Variants in KLK6 observed in about 807,000 individuals in gnomAD.
KLK6 encodes the protein kallikrein related peptidase 6.
In KLK6, 16 loss-of-function variants were observed where a neutral mutation model predicts 21.7. The ratio of observed to expected loss-of-function variants is 0.74; its 90% CI spans 0.50 to 1.12. KLK6 has a LOEUF of 1.12. KLK6 is among the 50% of genes most tolerant of loss of function. The pLI, the probability that KLK6 is intolerant of heterozygous loss-of-function variation, is 0.00. For missense variants in KLK6, 276 were observed against 304.6 expected, an observed-to-expected ratio of 0.91 and a Z score of 0.70; for synonymous variants, 116 against 120.1, an observed-to-expected ratio of 0.97 and a Z score of 0.22.
chr19:50,967,961 C>T, intron 3 of KLK6, 104 bp downstream of exon 3: 7 of 1,026,344 alleles, frequency 6.8e-6, no homozygotes, highest in Non-Finnish European at 9.2e-6. Context: ...AAAGCTCCCC[C>T]ACCCCAACCC....
chr19:50,967,121 C>A, intron 4 of KLK6, 48 bp downstream of exon 4: 1 of 1,609,526 alleles, frequency 6.2e-7, no homozygotes, highest in African/African-American at 1.3e-5. Context: ...CTATAAGACA[C>A]CCTCAGGGTT....
chr19:50,968,152 G>T (rs760295656), intron 2 of KLK6, 40 bp from the exon 3 acceptor site: 8 of 1,573,800 alleles, frequency 5.1e-6, no homozygotes, highest in Non-Finnish European at 7.0e-6. Flanking sequence ...TCACTGCCTC[G>T]ACCCTCCCCC....
chr19:50,967,980 T>G, intron 3 of KLK6, 85 bp downstream of exon 3: 1 of 1,087,458 alleles, frequency 9.2e-7, no homozygotes, highest in Non-Finnish European at 1.4e-6. Context: ...CCTGTGCATA[T>G]CCCCATCCCC....
In KLK6 at chr19:50,959,131, G is replaced by T. The variant is rs773096096; in HGVS notation, c.*33C>A. 2 of 1,613,244 alleles carry T rather than the reference G, an allele frequency of 1.2e-6. No individual in the cohort carries two copies. The highest frequency in any genetic ancestry group is 1.1e-5 in the South Asian group (1 of 90,990). On this transcript the variant is annotated 3_prime_UTR_variant, in exon 7 of 7. Transcript: ENST00000310157. ...ACGTTCTGGAACCAGCCAGTGGGGT[G>T]GTAGGTCGGGAGGTAGATGTCACAT...
intron 4 of KLK6, among the ~76,000 whole-genome samples, chr19:50,966,709 G>A (rs768720538): frequency 2.6e-5 from 4 of 152,216 alleles, no homozygotes; most frequent in Non-Finnish European, 5.9e-5. Flanking sequence ...GCTGAGGCAG[G>A]AGAATCGCTG....
Position 50,967,320 on chromosome 19 carries a change from CCCAGG to C in KLK6, c.41_45del (p.Ala14GlyfsTer6). The C allele has an allele frequency of 6.2e-7, 1 of 1,602,578 alleles. No individual in the cohort carries two copies. The highest frequency in any genetic ancestry group is 1.1e-5 in the South Asian group (1 of 89,808). Reference sequence around the variant, plus strand: ...TGCACCAACTTATTCTGCTCCTCTGCCCAGGCTGAGGGAGAGAAGATCTGAGTCAG... The same window carrying C: ...TGCACCAACTTATTCTGCTCCTCTGCCTGAGGGAGAGAAGATCTGAGTCAG... On this transcript the variant is annotated frameshift_variant and splice_region_variant, in exon 4 of 7. Transcript: ENST00000310157. LOFTEE classifies it high-confidence loss of function.
rs2090758436 is a variant in KLK6, at chr19:50,958,848, G to T, written c.*316C>A. On this transcript the variant is annotated 3_prime_UTR_variant, in exon 7 of 7. Coordinates refer to ENST00000310157, the MANE Select transcript of KLK6 (RefSeq NM_002774.4). ...GCGGAGCTGGGATTCCAGACACGTG[G>T]CTGGGCCTCTGCAGGAAGAAATCAA... is the stretch of plus-strand genomic sequence containing the variant. The T allele has an allele frequency of 2.9e-6, 1 of 344,280 alleles. No homozygotes were observed. The highest frequency in any genetic ancestry group is 5.4e-6 in the Non-Finnish European group (1 of 185,722). The allele number at this position is 344,280 out of a possible 1,614,324, so 21.3% of individuals were successfully genotyped here.
In KLK6 at chr19:50,968,057, T is replaced by G; in HGVS notation, c.40+8A>C. 1 of 1,613,712 alleles carries G rather than the reference T, an allele frequency of 6.2e-7. No homozygotes were observed. The highest frequency in any genetic ancestry group is 8.5e-7 in the Non-Finnish European group (1 of 1,179,804). ...CAAGCCTCCCCCATCCAAATGCCCT[T>G]TCCCCACCTGCAGCAATCAGACTCA... On this transcript the variant is annotated splice_region_variant and intron_variant, in intron 3 of 6. Coordinates refer to ENST00000310157, the MANE Select transcript of KLK6 (RefSeq NM_002774.4).
chr19:50,963,509 T>C lies in KLK6; in HGVS notation c.238A>G (p.Arg80Gly), dbSNP rs1202036584. Residue 80 changes from arginine (R) to glycine (G), a missense_variant, in exon 5 of 7, where the codon AGG (arginine) becomes GGG (glycine). Coordinates refer to ENST00000310157, the MANE Select transcript of KLK6 (RefSeq NM_002774.4). Reference protein sequence around the residue: ...VFLGKHNLRQRESSQEQSSVV... With the variant: ...VFLGKHNLRQGESSQEQSSVV... ...GAACTCTGCTCCTGGGAACTCTCCC[T>C]TTGCCGAAGGTTATGCTTCCCCAGG... The C allele has an allele frequency of 6.2e-7, 1 of 1,614,008 alleles. No individual in the cohort carries two copies. Among genetic ancestry groups the C allele is most frequent in the African/African-American group, 1.3e-5 (1 of 74,900 alleles).
In KLK6 at chr19:50,961,886, A is replaced by C. The variant is rs1417115939; in HGVS notation, c.446-6T>G. Reference sequence around the variant, plus strand: ...GATGGTGTCAGGGAAATCACCTGTTAGGGGAGAGATGGGCCAGACTCAGCC... The same window carrying C: ...GATGGTGTCAGGGAAATCACCTGTTCGGGGAGAGATGGGCCAGACTCAGCC... On this transcript the variant is annotated splice_region_variant and splice_polypyrimidine_tract_variant and intron_variant, in intron 5 of 6. Coordinates refer to ENST00000310157, the MANE Select transcript of KLK6 (RefSeq NM_002774.4). 1 of 1,612,716 alleles carries C rather than the reference A, an allele frequency of 6.2e-7. No homozygotes were observed. Among genetic ancestry groups the C allele is most frequent in the South Asian group, 1.1e-5 (1 of 90,908 alleles).
chr19:50,965,311 G>A (rs911395176), intron 4 of KLK6, among the ~76,000 whole-genome samples: 1 of 149,434 alleles, frequency 6.7e-6, no homozygotes, highest in Non-Finnish European at 1.5e-5. Flanking sequence ...TTTAGACAGA[G>A]TCTCGCTCTG....
At position 50,960,539 on chromosome 19, in the gene KLK6, G is replaced by T. The variant is rs1025077678; in HGVS notation, c.582+1205C>A. Among the ~76,000 whole-genome samples, 9 of 152,070 alleles carry T rather than the reference G, an allele frequency of 5.9e-5. No individual in the cohort carries two copies. In the East Asian group the frequency reaches 1.7e-3, roughly 29 times the overall value. ...TCGTTTCTGAGCAGGACTCGTGGGG[G>T]CTCTGTTTGAGGAAGGACAGTCCCC... On this transcript the variant is annotated intron_variant, in intron 6 of 6. Transcript: ENST00000310157.
chr19:50,969,037 C>G (rs2090972727), intron 1 of KLK6: 1 of 154,314 alleles, frequency 6.5e-6, no homozygotes, highest in Non-Finnish European at 1.4e-5. Context: ...GGGGCCTGGA[C>G]CCTTGCGTCT....
intron 4 of KLK6, 108 bp from the exon 5 acceptor site, chr19:50,963,657 C>A: frequency 7.5e-7 from 1 of 1,327,300 alleles, no homozygotes; most frequent in Non-Finnish European, 1.0e-6. Context: ...CCACAGTCTT[C>A]CCCAGCTGGG....
intron 4 of KLK6, among the ~76,000 whole-genome samples, chr19:50,964,785 C>T (rs897338963): frequency 2.6e-5 from 4 of 152,246 alleles, no homozygotes; most frequent in Non-Finnish European, 5.9e-5. Flanking sequence ...AAAGCCTGGG[C>T]TCCTCCACTT....
intron 6 of KLK6, among the ~76,000 whole-genome samples, chr19:50,960,049 AGGGAGAGGAG>A (rs2090810821): frequency 1.5e-5 from 1 of 66,468 alleles, no homozygotes; most frequent in African/African-American, 7.4e-5. Context: ...GAGGAGGAGG[AGGGAGAGGAG>A]GGGGGAGGAG....
Position 50,968,107 on chromosome 19 carries a change from C to A in KLK6, c.-3G>T. Reference sequence around the variant, plus strand: ...AGCACCACCATCAGCTTCTTCATGGCCGCTCCTGAGAGGGGAAGCCACATG... The same window carrying A: ...AGCACCACCATCAGCTTCTTCATGGACGCTCCTGAGAGGGGAAGCCACATG... On this transcript the variant is annotated 5_prime_UTR_variant, in exon 3 of 7. Coordinates refer to ENST00000310157, the MANE Select transcript of KLK6 (RefSeq NM_002774.4). 6.2e-7 allele frequency: 1 copy of A among 1,614,036 alleles called. No homozygotes were observed. Among genetic ancestry groups the A allele is most frequent in the South Asian group, 1.1e-5 (1 of 91,066 alleles).
chr19:50,968,161 C>T (rs763399279), intron 2 of KLK6, 49 bp from the exon 3 acceptor site: 2 of 1,540,784 alleles, frequency 1.3e-6, no homozygotes, highest in South Asian at 2.2e-5. Flanking sequence ...CGACCCTCCC[C>T]CCATCCCTCT....
rs745662607 is a variant in KLK6 at position 50,968,147 on chromosome 19, G to A, written c.-8-35C>T. The A allele has an allele frequency of 1.9e-6, 3 of 1,587,178 alleles. No individual in the cohort carries two copies. The African/African-American group carries it at 4.0e-5, about 21-fold the overall frequency. ...GAAGCCACATGGTCCATTAGTCACT[G>A]CCTCGACCCTCCCCCCATCCCTCTG... On this transcript the variant is annotated intron_variant, in intron 2 of 6. Coordinates refer to ENST00000310157, the MANE Select transcript of KLK6 (RefSeq NM_002774.4).
Sources: allele counts gnomAD v4.1 joint callset (sites outside exome capture counted in the v4.1 genomes callset), GRCh38; gene constraint gnomAD v4.1.1; transcripts MANE v1.5; gene names NCBI Gene and HGNC (gene_info 2026-07-23, HGNC 2026-07-21).